The following NIPSNAP1 variants were observed in gnomAD, a reference collection of about 807,000 sequenced individuals.
NIPSNAP1 encodes nipsnap homolog 1.
In NIPSNAP1, 25 loss-of-function variants were observed where a neutral mutation model predicts 49.2. That is an observed-to-expected ratio of 0.51 (90% CI 0.37 to 0.71). The LOEUF is 0.71. Ranked by LOEUF, NIPSNAP1 falls within the 30% of genes least tolerant of loss-of-function variation. The probability of loss-of-function intolerance (pLI) is 0.00; values close to 1 mark genes in which losing one functional copy is unlikely to be tolerated. For missense variants in NIPSNAP1, 294 were observed against 361.0 expected, an observed-to-expected ratio of 0.81 and a Z score of 1.50; for synonymous variants, 143 against 140.7, an observed-to-expected ratio of 1.02 and a Z score of -0.12.
intron 4 of NIPSNAP1, among the ~76,000 whole-genome samples, chr22:29,566,471 T>C (rs2064369021): frequency 6.6e-6 from 1 of 152,054 alleles, no homozygotes; most frequent in South Asian, 2.1e-4. Flanking sequence ...GGTGAGCACC[T>C]TGGCACACAG....
chr22:29,560,710 G>C (rs769479544), intron 8 of NIPSNAP1, 24 bp downstream of exon 8: 4 of 1,592,082 alleles, frequency 2.5e-6, no homozygotes, highest in South Asian at 2.2e-5. Context: ...CTAACAAAAG[G>C]CTCCTGGAAG....
chr22:29,560,035 A>G (rs1427543919), intron 8 of NIPSNAP1, among the ~76,000 whole-genome samples: 3 of 151,924 alleles, frequency 2.0e-5, no homozygotes, highest in African/African-American at 7.3e-5. Flanking sequence ...TCCTTGCCAC[A>G]CCTCAAAACC....
chr22:29,571,728 T>C (rs1223448668), intron 1 of NIPSNAP1, among the ~76,000 whole-genome samples: 6 of 152,088 alleles, frequency 3.9e-5, no homozygotes. Context: ...TTCTCTTTTG[T>C]TTTTTCCAAG....
Position 29,568,841 on chromosome 22 carries a change from A to C in NIPSNAP1, c.367+352T>G, listed in dbSNP as rs116007507. ...AGTGATCCAGGTAAAGCAGGCAAAC[A>C]AGAAATAATGCTTAAGGCAGAAGAA... On this transcript the variant is annotated intron_variant, in intron 4 of 9. Transcript: ENST00000216121. Among the ~76,000 whole-genome samples, 1,137 of 152,330 alleles carry C rather than the reference A, an allele frequency of 7.5e-3. 17 individuals carry two copies. The highest frequency in any genetic ancestry group is 0.026 in the African/African-American group (1,079 of 41,574).
intron 4 of NIPSNAP1, among the ~76,000 whole-genome samples, chr22:29,568,110 T>C (rs1268669377): frequency 7.3e-6 from 1 of 137,770 alleles, no homozygotes; most frequent in East Asian, 2.1e-4. Context: ...GCCTGGGAAA[T>C]TGAGGCTCGA....
At position 29,580,898 on chromosome 22, in the gene NIPSNAP1, T is replaced by C. The variant is rs1004101144; in HGVS notation, c.98+87A>G. The C allele has an allele frequency of 2.7e-6, 3 of 1,117,036 alleles. No homozygotes were observed. The African/African-American group carries it at 4.9e-5, about 18-fold the overall frequency. The allele number at this position is 1,117,036 out of a possible 1,614,324, so 69.2% of individuals were successfully genotyped here. A position where few individuals can be genotyped will look rare whatever the true frequency, so the allele number is the denominator to read the frequency against. ...ACCCCCAGATTCCAAGCGAGGAGTCTCAGCCCCTCCCCCACGACCCAGTCC... is the reference window on the plus strand; with the variant it reads ...ACCCCCAGATTCCAAGCGAGGAGTCCCAGCCCCTCCCCCACGACCCAGTCC... On this transcript the variant is annotated intron_variant, in intron 1 of 9. Coordinates refer to ENST00000216121, the MANE Select transcript of NIPSNAP1 (RefSeq NM_003634.4).
chr22:29,559,031 G>A lies in NIPSNAP1; in HGVS notation c.707-78C>T, dbSNP rs1168018162. ...CCCAGCACAGGGCCCTCTTCCCACT[G>A]TCCCCTAAACCCTGCACTGCTGTCT... On this transcript the variant is annotated intron_variant, in intron 8 of 9. Coordinates refer to ENST00000216121, the MANE Select transcript of NIPSNAP1 (RefSeq NM_003634.4). 4 of 1,039,708 alleles carry A rather than the reference G, an allele frequency of 3.8e-6. No homozygotes were observed. The East Asian group carries it at 7.1e-5, about 18-fold the overall frequency. The allele number at this position is 1,039,708 out of a possible 1,614,324, so 64.4% of individuals were successfully genotyped here.
At chr22:29,569,628 A>G (rs946284830) in intron 3 of NIPSNAP1, among the ~76,000 whole-genome samples, 7 of 150,612 alleles carry the variant, frequency 4.6e-5, no homozygotes, top group Non-Finnish European at 5.9e-5. Flanking sequence ...CTGGAGTGCA[A>G]TGGCGCAATC....
At chr22:29,572,266 A>T (rs1183530309) in intron 1 of NIPSNAP1, among the ~76,000 whole-genome samples, 1 of 125,044 alleles carries the variant, frequency 8.0e-6, no homozygotes, top group Admixed American at 9.8e-5. Context: ...TCGCACCATC[A>T]CACTCCCGCC....
chr22:29,556,640 C>T (rs1328730862), intron 9 of NIPSNAP1, among the ~76,000 whole-genome samples: 1 of 152,220 alleles, frequency 6.6e-6, no homozygotes, highest in African/African-American at 2.4e-5. Context: ...ACTCTTTCCT[C>T]CAGCTCAGAG....
intron 1 of NIPSNAP1, among the ~76,000 whole-genome samples, chr22:29,578,104 G>C (rs2064468855): frequency 6.6e-6 from 1 of 150,636 alleles, no homozygotes; most frequent in Admixed American, 6.6e-5. Context: ...CACCATGTTG[G>C]CCAGGCTGGT....
At chr22:29,568,389 AG>A (rs2064382806) in intron 4 of NIPSNAP1, among the ~76,000 whole-genome samples, 2 of 150,964 alleles carry the variant, frequency 1.3e-5, no homozygotes, top group Admixed American at 6.6e-5. Flanking sequence ...AAGCTGAGGC[AG>A]GAGAATATCT....
At chr22:29,556,271 T>C (rs975412419) in intron 9 of NIPSNAP1, among the ~76,000 whole-genome samples, 3 of 152,128 alleles carry the variant, frequency 2.0e-5, no homozygotes, top group African/African-American at 7.2e-5. Context: ...GTGCCTATAA[T>C]CCCAGCACTT....
chr22:29,564,490 T>C, intron 4 of NIPSNAP1: 1 of 449,828 alleles, frequency 2.2e-6, no homozygotes, highest in Non-Finnish European at 4.5e-6. Context: ...CTCAGCTCAC[T>C]GCAACATCCA....
intron 1 of NIPSNAP1, 72 bp downstream of exon 1, chr22:29,580,913 C>T: frequency 7.9e-7 from 1 of 1,259,796 alleles, no homozygotes; most frequent in Non-Finnish European, 1.1e-6. Flanking sequence ...CCCTCCCCCA[C>T]GACCCAGTCC....
chr22:29,572,407 C>T (rs1018510572), intron 1 of NIPSNAP1, among the ~76,000 whole-genome samples: 6 of 151,482 alleles, frequency 4.0e-5, no homozygotes, highest in Non-Finnish European at 7.4e-5. Flanking sequence ...CAGCTGGGCA[C>T]GATGGCTAAA....
At chr22:29,572,005 T>C (rs1162363605) in intron 1 of NIPSNAP1, among the ~76,000 whole-genome samples, 1 of 152,144 alleles carries the variant, frequency 6.6e-6, no homozygotes, top group African/African-American at 2.4e-5. Flanking sequence ...TTTTATGTGG[T>C]TAGACAAATG....
At chr22:29,574,412 T>C (rs190168189) in intron 1 of NIPSNAP1, among the ~76,000 whole-genome samples, 11 of 152,222 alleles carry the variant, frequency 7.2e-5, no homozygotes, top group African/African-American at 2.4e-4. Flanking sequence ...TATAAAGATT[T>C]TAAAGTGTGT....
At chr22:29,571,697 G>C (rs2064408547) in intron 1 of NIPSNAP1, among the ~76,000 whole-genome samples, 1 of 152,210 alleles carries the variant, frequency 6.6e-6, no homozygotes, top group Non-Finnish European at 1.5e-5. Context: ...GTGGCAGCAA[G>C]CCTTATCCCT....
Sources: allele counts gnomAD v4.1 joint callset (sites outside exome capture counted in the v4.1 genomes callset), GRCh38; gene constraint gnomAD v4.1.1; transcripts MANE v1.5; gene names NCBI Gene and HGNC (gene_info 2026-07-23, HGNC 2026-07-21).